Variants in FHOD3 observed in about 807,000 individuals in gnomAD.
FHOD3 encodes FH1/FH2 domain-containing protein 3.
Under a neutral mutation model 173.0 loss-of-function variants are expected in FHOD3, and 90 were observed. The observed-to-expected ratio is 0.52, with a 90% CI of 0.44 to 0.62. FHOD3 has a LOEUF of 0.62. Among genes scored for constraint, FHOD3 ranks in the 20% least tolerant of loss-of-function variants. The pLI is 0.00. For synonymous variants in FHOD3, 828 were observed against 823.0 expected, an observed-to-expected ratio of 1.01 and a Z score of -0.10; for missense variants, 1,945 against 2,034.7, an observed-to-expected ratio of 0.96 and a Z score of 0.85.
At chr18:36,433,186 C>G (rs921385842) in intron 3 of FHOD3, among the ~76,000 whole-genome samples, 3 of 152,178 alleles carry the variant, frequency 2.0e-5, no homozygotes, top group Admixed American at 6.5e-5. Context: ...ATAGTTTAAC[C>G]TAGTCACAAT....
chr18:36,475,257 G>C (rs548814312), intron 3 of FHOD3, among the ~76,000 whole-genome samples: 14 of 152,032 alleles, frequency 9.2e-5, no homozygotes, highest in Non-Finnish European at 1.9e-4. Flanking sequence ...GTGCTCACCT[G>C]TCTTTGGAGC....
chr18:36,345,715 A>T (rs1332814337), intron 1 of FHOD3, among the ~76,000 whole-genome samples: 1 of 152,224 alleles, frequency 6.6e-6, no homozygotes, highest in Non-Finnish European at 1.5e-5. Context: ...GGTTAGGAAA[A>T]AACATGCCAA....
intron 27 of FHOD3, among the ~76,000 whole-genome samples, chr18:36,763,052 C>T (rs1481452779): frequency 3.8e-5 from 5 of 130,022 alleles, no homozygotes; most frequent in Non-Finnish European, 8.6e-5. Flanking sequence ...GTATTATACA[C>T]GTTATATATA....
intron 16 of FHOD3, among the ~76,000 whole-genome samples, chr18:36,692,180 T>C (rs543039943): frequency 8.5e-4 from 130 of 152,364 alleles, no homozygotes; most frequent in Non-Finnish European, 1.2e-3. Context: ...AAAAAATGCA[T>C]GCTTTTTAAA....
chr18:36,454,008 G>C (rs140485684), intron 3 of FHOD3, among the ~76,000 whole-genome samples: 1 of 152,156 alleles, frequency 6.6e-6, no homozygotes, highest in African/African-American at 2.4e-5. Context: ...AATTATTGTG[G>C]TTGAATTCCA....
chr18:36,557,220 A>C (rs1043599408), intron 5 of FHOD3, among the ~76,000 whole-genome samples: 1 of 152,166 alleles, frequency 6.6e-6, no homozygotes, highest in African/African-American at 2.4e-5. Context: ...GAGAATATTC[A>C]GCATTATATC....
At chr18:36,645,069 C>A (rs2149029538) in intron 10 of FHOD3, among the ~76,000 whole-genome samples, 1 of 152,186 alleles carries the variant, frequency 6.6e-6, no homozygotes, top group East Asian at 1.9e-4. Context: ...AGTTTGGCAG[C>A]TGTGGGAGCA....
At chr18:36,515,592 G>T (rs775763566) in intron 5 of FHOD3, among the ~76,000 whole-genome samples, 1 of 152,196 alleles carries the variant, frequency 6.6e-6, no homozygotes, top group Admixed American at 6.5e-5. Context: ...TTAAGTCTCA[G>T]AACACTCATG....
At chr18:36,706,781 C>T (rs530109475) in intron 17 of FHOD3, among the ~76,000 whole-genome samples, 1 of 152,332 alleles carries the variant, frequency 6.6e-6, no homozygotes, top group Admixed American at 6.5e-5. Context: ...TGCTGGTTTT[C>T]ACCATATGCT....
intron 3 of FHOD3, among the ~76,000 whole-genome samples, chr18:36,461,449 T>TG (rs1568302219): frequency 1.3e-5 from 2 of 149,136 alleles, no homozygotes; most frequent in Non-Finnish European, 3.0e-5. Context: ...CTGTTTTTTT[T>TG]TGTGTGTGTG....
At chr18:36,670,530 CTCTT>C (rs1236557911) in intron 14 of FHOD3, among the ~76,000 whole-genome samples, 1 of 152,042 alleles carries the variant, frequency 6.6e-6, no homozygotes, top group South Asian at 2.1e-4. Context: ...TTCAAGTGGT[CTCTT>C]TCTTAATACC....
At chr18:36,321,172 G>A (rs1230193846) in intron 1 of FHOD3, among the ~76,000 whole-genome samples, 1 of 151,978 alleles carries the variant, frequency 6.6e-6, no homozygotes, top group Non-Finnish European at 1.5e-5. Context: ...CCAACAGTGT[G>A]GTTCTGCATC....
chr18:36,384,897 T>TACCACCACCACCACC (rs60582813), intron 3 of FHOD3, among the ~76,000 whole-genome samples: 13 of 151,092 alleles, frequency 8.6e-5, no homozygotes, highest in South Asian at 6.4e-4. Flanking sequence ...TGGTGGAAGA[T>TACCACCACCACCACC]ACCACCACCA....
At chr18:36,460,141 C>T (rs569002856) in intron 3 of FHOD3, among the ~76,000 whole-genome samples, 11 of 152,160 alleles carry the variant, frequency 7.2e-5, no homozygotes, top group South Asian at 2.1e-4. Context: ...TGACTTACGA[C>T]TTGATGTTAA....
chr18:36,355,611 C>T lies in FHOD3; in HGVS notation c.238C>T (p.Arg80Trp), dbSNP rs199791578. The T allele has an allele frequency of 2.1e-4, 342 of 1,613,946 alleles. No individual in the cohort carries two copies. The highest frequency in any genetic ancestry group is 2.3e-4 in the Non-Finnish European group (272 of 1,179,988). ...TTTGGAGGCCACCCTGGCAGAGCAG[C>T]GGGATGAGTTGGAAGGCTTCCAGGA... is the stretch of plus-strand genomic sequence containing the variant. ...LDLEATLAEQ[R>W]DELEGFQDDA... Residue 80 changes from arginine to tryptophan, a missense_variant, in exon 2 of 29, where the codon CGG (arginine) becomes TGG (tryptophan). Physicochemically the swap from Arg to Trp is moderately radical, Grantham distance 101. This residue lies in a region of FHOD3 where 245 missense variants were observed against 267.7 expected (regional missense o/e 0.92). Transcript: ENST00000590592.
chr18:36,599,117 G>A (rs761847222), intron 7 of FHOD3, among the ~76,000 whole-genome samples: 10 of 152,138 alleles, frequency 6.6e-5, no homozygotes. Context: ...TTTCCTTAAG[G>A]TCTTCCCTGT....
rs548709184 is a variant in FHOD3, at chr18:36,740,608, A to C, written c.3577-48A>C. 56 of 1,466,224 alleles carry C rather than the reference A, an allele frequency of 3.8e-5. No homozygotes were observed. The South Asian group carries it at 6.5e-4, about 17-fold the overall frequency. The allele number at this position is 1,466,224 out of a possible 1,614,324, so 90.8% of individuals were successfully genotyped here. On this transcript the variant is annotated intron_variant, in intron 20 of 28. Transcript: ENST00000590592. ...TTTTATAACATTGAAGGGACAGGGG[A>C]GGGTCCATCACTAAGAGAAAATATA...
chr18:36,639,437 C>T (rs1207819091), intron 10 of FHOD3, among the ~76,000 whole-genome samples: 10 of 152,094 alleles, frequency 6.6e-5, no homozygotes, highest in African/African-American at 2.4e-4. Context: ...ATTTGGGAGG[C>T]CAAGGCGGGC....
At chr18:36,742,617 C>G in intron 21 of FHOD3, 120 bp from the exon 22 acceptor site, 1 of 1,104,026 alleles carries the variant, frequency 9.1e-7, no homozygotes, top group East Asian at 2.5e-5. Flanking sequence ...ATGCCCATCG[C>G]GGGGGATTGC....
Sources: gnomAD v4.1 joint callset for allele counts (sites outside exome capture counted in the v4.1 genomes callset) on GRCh38, gnomAD v4.1.1 for gene constraint, gnomAD v4.1.1 regional missense constraint, MANE v1.5 for transcripts, NCBI Gene and HGNC (gene_info 2026-07-23, HGNC 2026-07-21) for gene names.